The following TOR1AIP1 variants were observed in gnomAD, a reference collection of about 807,000 sequenced individuals.
TOR1AIP1 encodes the protein torsin 1A interacting protein 1, also known as torsin-1A-interacting protein 1.
Under a neutral mutation model 63.3 loss-of-function variants are expected in TOR1AIP1, and 54 were observed. The ratio of observed to expected loss-of-function variants is 0.85; its 90% CI spans 0.69 to 1.07. The LOEUF is 1.07. Ranked by LOEUF, TOR1AIP1 falls within the 50% of genes least tolerant of loss-of-function variation. The pLI is 0.00. For synonymous variants in TOR1AIP1, 294 were observed against 273.5 expected (o/e 1.07, Z -0.74); for missense variants, 736 against 715.0 (o/e 1.03, Z -0.33).
chr1:179,918,363 C>T lies in TOR1AIP1; in HGVS notation c.*124C>T. Reference sequence around the variant, plus strand: ...TCTTTTTAAAGAAGTTAAGTGCTTACATAAACATGGAACATATAAATCATT... The same window carrying T: ...TCTTTTTAAAGAAGTTAAGTGCTTATATAAACATGGAACATATAAATCATT... On this transcript the variant is annotated 3_prime_UTR_variant, in exon 10 of 10. Transcript: ENST00000606911. The T allele has an allele frequency of 5.9e-6, 5 of 844,890 alleles. No individual in the cohort carries two copies. Among genetic ancestry groups the T allele is most frequent in the Non-Finnish European group, 8.9e-6 (5 of 561,352 alleles). 52.3% of individuals were successfully genotyped at this position (844,890 alleles called of 1,614,324 possible).
chr1:179,912,380 A>G (rs1289397964), intron 8 of TOR1AIP1, among the ~76,000 whole-genome samples: 1 of 152,174 alleles, frequency 6.6e-6, no homozygotes, highest in Non-Finnish European at 1.5e-5. Flanking sequence ...AGTAATGTTG[A>G]TAAAAAGGAT....
At chr1:179,904,884 C>CA (rs1648580203) in intron 6 of TOR1AIP1, 3 of 152,200 alleles carry the variant, frequency 2.0e-5, no homozygotes, top group African/African-American at 7.2e-5. Flanking sequence ...ATCAGCCTCC[C>CA]AAAATGCTGG....
intron 8 of TOR1AIP1, among the ~76,000 whole-genome samples, chr1:179,909,491 A>C (rs558217622): frequency 1.6e-4 from 24 of 151,626 alleles, no homozygotes; most frequent in African/African-American, 5.6e-4. Context: ...GTTCACTGCA[A>C]CCTCTGCCTC....
chr1:179,903,146 G>GAA (rs1426453046), intron 5 of TOR1AIP1, among the ~76,000 whole-genome samples: 1 of 151,946 alleles, frequency 6.6e-6, no homozygotes, highest in Admixed American at 6.6e-5. Context: ...AGAGTAGACT[G>GAA]AAAGCAAGGC....
At chr1:179,907,913 C>CTTTTTTTTTTTTTTT (rs34218138) in intron 7 of TOR1AIP1, 49 bp downstream of exon 7, 5 of 356,766 alleles carry the variant, frequency 1.4e-5, no homozygotes, top group South Asian at 8.4e-5. Context: ...ATTCTTTTCT[C>CTTTTTTTTTTTTTTT]TTTTTTTTTT....
At chr1:179,883,848 A>C (rs1326075530) in intron 1 of TOR1AIP1, 4 of 337,560 alleles carry the variant, frequency 1.2e-5, no homozygotes, top group Admixed American at 1.1e-4. Context: ...TTAGGACCTA[A>C]CACTGAGTCA....
chr1:179,889,506 C>T, intron 3 of TOR1AIP1, 137 bp downstream of exon 3: 1 of 579,844 alleles, frequency 1.7e-6, no homozygotes, highest in Non-Finnish European at 2.8e-6. Flanking sequence ...CCTGTCCCCT[C>T]TGTCATTCAG....
rs952332579 is a variant in TOR1AIP1 at position 179,909,753 on chromosome 1, G to GTGTTT, written c.907+1093_907+1097dup. 1.7e-4 allele frequency among the ~76,000 whole-genome samples: 25 copies of GTGTTT among 151,412 alleles called. 2 individuals carry two copies. Among genetic ancestry groups the GTGTTT allele is most frequent in the Admixed American group, 1.5e-3 (23 of 15,160 alleles). Reference sequence around the variant, plus strand: ...GCCCAGCCTTTCTGGGTTTTTGGGGGTGTTTTGTTTTGTTTTGGGTTTTTT... The same window carrying GTGTTT: ...GCCCAGCCTTTCTGGGTTTTTGGGGGTGTTTTGTTTTGTTTTGTTTTGGGTTTTTT... On this transcript the variant is annotated intron_variant, in intron 8 of 9. Coordinates refer to ENST00000606911, the MANE Select transcript of TOR1AIP1 (RefSeq NM_015602.4).
At chr1:179,884,651 A>G (rs1013351347) in intron 1 of TOR1AIP1, 41 bp from the exon 2 acceptor site, 3 of 1,508,934 alleles carry the variant, frequency 2.0e-6, no homozygotes, top group African/African-American at 2.8e-5. Flanking sequence ...CTCCCAGGTC[A>G]TATATTCTGA....
At position 179,918,478 on chromosome 1, in the gene TOR1AIP1, G is replaced by T; in HGVS notation, c.*239G>T. The T allele has an allele frequency of 2.2e-6, 1 of 461,136 alleles. No homozygotes were observed. Among genetic ancestry groups the T allele is most frequent in the East Asian group, 3.8e-5 (1 of 26,194 alleles). The allele number at this position is 461,136 out of a possible 1,614,324, so 28.6% of individuals were successfully genotyped here. A position where few individuals can be genotyped will look rare whatever the true frequency, so the allele number is the denominator to read the frequency against. ...GGTATCTTAGGAGTGCAGATTATAT[G>T]CAGTTCCTTAGAGAATCTGTTTTGA... On this transcript the variant is annotated 3_prime_UTR_variant, in exon 10 of 10. Transcript: ENST00000606911.
At chr1:179,890,027 C>T (rs1253242093) in intron 3 of TOR1AIP1, among the ~76,000 whole-genome samples, 2 of 152,098 alleles carry the variant, frequency 1.3e-5, no homozygotes, top group Middle Eastern at 3.2e-3. Flanking sequence ...TAAAAAGCTT[C>T]CTTTTTTAAA....
chr1:179,917,708 T>C lies in TOR1AIP1; in HGVS notation c.1221T>C (p.Pro407=). ...HLNSSHPRSQ[P]AILLLTAARD... ...ATAGCTCCCATCCTCGGTCTCAGCC[T>C]GCTATCTTACTGCTCACTGCTGCCC... The change falls in exon 10 of 10, where the codon CCT becomes CCC. Residue 407 remains proline (P), a synonymous_variant. Transcript: ENST00000606911. The C allele has an allele frequency of 6.2e-7, 1 of 1,614,240 alleles. No individual in the cohort carries two copies. Among genetic ancestry groups the C allele is most frequent in the Non-Finnish European group, 8.5e-7 (1 of 1,180,048 alleles).
intron 3 of TOR1AIP1, among the ~76,000 whole-genome samples, chr1:179,894,250 CAAA>C (rs34076333): frequency 1.1e-4 from 7 of 63,010 alleles, no homozygotes; most frequent in Non-Finnish European, 1.3e-4. Context: ...GACTCTGTCT[CAAA>C]AAAAAAAAAA....
intron 6 of TOR1AIP1, among the ~76,000 whole-genome samples, chr1:179,906,200 T>C (rs1383142632): frequency 6.6e-6 from 1 of 152,240 alleles, no homozygotes; most frequent in African/African-American, 2.4e-5. Flanking sequence ...GTATCCACTT[T>C]TTTAAAAGTA....
In TOR1AIP1 at chr1:179,901,367, AG is replaced by A. The variant is rs1366427526; in HGVS notation, c.721del (p.Asp241IlefsTer17). 2.5e-6 allele frequency: 4 copies of A among 1,606,524 alleles called. No homozygotes were observed. The highest frequency in any genetic ancestry group is 3.4e-6 in the Non-Finnish European group (4 of 1,175,626). On this transcript the variant is annotated frameshift_variant, in exon 5 of 10. Transcript: ENST00000606911. LOFTEE classifies it high-confidence loss of function. ...SSVTTVKARS[R>X]DSDESGDKTT... ...TGTCACTACTGTTAAGGCCAGATCC[AG>A]GGATTCTGATGAATCTGGAGGTAAT... is the stretch of plus-strand genomic sequence containing the variant.
At chr1:179,911,983 CTTTTTTTTTTTCTTTTTTCTT>C (rs1648850755) in intron 8 of TOR1AIP1, among the ~76,000 whole-genome samples, 1 of 116,704 alleles carries the variant, frequency 8.6e-6, no homozygotes, top group South Asian at 2.7e-4. Context: ...TTCTTTTTTT[CTTTTTTTTTTTCTTTTTTCTT>C]TTTTTTCTTT....
At chr1:179,904,605 G>A (rs1648571198) in intron 6 of TOR1AIP1, 1 of 152,034 alleles carries the variant, frequency 6.6e-6, no homozygotes, top group African/African-American at 2.4e-5. Context: ...AATCATTGGT[G>A]ACATTTTTTT....
At position 179,914,023 on chromosome 1, in the gene TOR1AIP1, T is replaced by A. The variant is rs1415078746; in HGVS notation, c.933T>A (p.Leu311=). The A allele has an allele frequency of 3.7e-6, 6 of 1,613,882 alleles. No homozygotes were observed. Among genetic ancestry groups the A allele is most frequent in the Non-Finnish European group, 5.1e-6 (6 of 1,179,942 alleles). Reference sequence around the variant, plus strand: ...ATGACAGCATTCTGAAATCAGAGCTTGGAAACCAGTCACCATCAACCTCCA... The same window carrying A: ...ATGACAGCATTCTGAAATCAGAGCTAGGAAACCAGTCACCATCAACCTCCA... ...MQNDSILKSE[L]GNQSPSTSSR... The change falls in exon 9 of 10, where the codon CTT becomes CTA. Residue 311 remains leucine, a synonymous_variant. Coordinates refer to ENST00000606911, the MANE Select transcript of TOR1AIP1 (RefSeq NM_015602.4).
At chr1:179,896,220 G>A (rs879514373) in intron 3 of TOR1AIP1, among the ~76,000 whole-genome samples, 3 of 152,074 alleles carry the variant, frequency 2.0e-5, no homozygotes, top group African/African-American at 4.8e-5. Context: ...CAAAAATCTG[G>A]ACTTAACATC....
Sources: allele counts gnomAD v4.1 joint callset (sites outside exome capture counted in the v4.1 genomes callset), GRCh38; gene constraint gnomAD v4.1.1; transcripts MANE v1.5; gene names NCBI Gene and HGNC (gene_info 2026-07-23, HGNC 2026-07-21).